ADK: variants seen among roughly 807,000 people sequenced by gnomAD.
ADK encodes adenosine kinase, also known as N6,N6-dimethyladenosine kinase.
A neutral mutation model predicts 44.7 loss-of-function variants in ADK; 24 were observed. That is an observed-to-expected ratio of 0.54 (90% CI 0.39 to 0.76). The LOEUF is 0.76. Among genes scored for constraint, ADK ranks in the 30% least tolerant of loss-of-function variants. The pLI is 0.00. For synonymous variants in ADK, 128 were observed against 142.6 expected (o/e 0.90, Z 0.73); for missense variants, 321 against 425.1 (o/e 0.76, Z 2.15).
intron 9 of ADK, among the ~76,000 whole-genome samples, chr10:74,646,350 TAGTTA>T (rs765709861): frequency 2.6e-4 from 40 of 152,312 alleles, no homozygotes; most frequent in Non-Finnish European, 5.1e-4. Context: ...GGGAAGCCAC[TAGTTA>T]GATTCAAACA....
At chr10:74,286,735 C>T (rs1288444954) in intron 3 of ADK, among the ~76,000 whole-genome samples, 3 of 152,178 alleles carry the variant, frequency 2.0e-5, no homozygotes, top group Non-Finnish European at 4.4e-5. Context: ...TAGGAAAAGG[C>T]CAGTCAACAC....
At chr10:74,619,613 G>A (rs1487327366) in intron 9 of ADK, among the ~76,000 whole-genome samples, 1 of 151,942 alleles carries the variant, frequency 6.6e-6, no homozygotes, top group Non-Finnish European at 1.5e-5. Context: ...AATAAATTCT[G>A]TGTCTGAAAA....
At chr10:74,459,636 G>A (rs1453580829) in intron 6 of ADK, among the ~76,000 whole-genome samples, 1 of 147,420 alleles carries the variant, frequency 6.8e-6, no homozygotes, top group Non-Finnish European at 1.5e-5. Flanking sequence ...GGCTGAGGCA[G>A]GAAAATCGCT....
chr10:74,354,074 G>T (rs748204041), intron 4 of ADK, among the ~76,000 whole-genome samples: 6 of 152,112 alleles, frequency 3.9e-5, no homozygotes, highest in Admixed American at 6.5e-5. Context: ...CAACAAATTG[G>T]TATACGAATT....
chr10:74,434,987 G>A (rs1414250363), intron 6 of ADK, among the ~76,000 whole-genome samples: 1 of 152,198 alleles, frequency 6.6e-6, no homozygotes, highest in Non-Finnish European at 1.5e-5. Context: ...ATGGGTCTAT[G>A]TTGGACTAGA....
chr10:74,275,418 T>C (rs1479601930), intron 3 of ADK, among the ~76,000 whole-genome samples: 1 of 152,038 alleles, frequency 6.6e-6, no homozygotes, highest in African/African-American at 2.4e-5. Flanking sequence ...GAGACCAAAA[T>C]AGATGCCCCT....
intron 3 of ADK, among the ~76,000 whole-genome samples, chr10:74,232,634 A>AT (rs1214874304): frequency 6.7e-6 from 1 of 148,596 alleles, no homozygotes. Flanking sequence ...TAAAAAAAAA[A>AT]TTTTTTTTTG....
At chr10:74,698,326 C>T (rs1351177863) in intron 10 of ADK, among the ~76,000 whole-genome samples, 2 of 152,194 alleles carry the variant, frequency 1.3e-5, no homozygotes, top group Non-Finnish European at 2.9e-5. Context: ...TGGTGTAATG[C>T]CTCCTATGCC....
At chr10:74,512,135 A>G (rs973550965) in intron 6 of ADK, among the ~76,000 whole-genome samples, 6 of 152,274 alleles carry the variant, frequency 3.9e-5, no homozygotes, top group Admixed American at 2.6e-4. Flanking sequence ...CCATCTTTGC[A>G]TTCTTGGGAT....
At chr10:74,610,219 A>G (rs1007042534) in intron 9 of ADK, among the ~76,000 whole-genome samples, 1 of 152,198 alleles carries the variant, frequency 6.6e-6, no homozygotes, top group Non-Finnish European at 1.5e-5. Context: ...ATACATACAA[A>G]GGAATATTAT....
intron 6 of ADK, among the ~76,000 whole-genome samples, chr10:74,481,978 A>G (rs1847089333): frequency 6.6e-6 from 1 of 152,196 alleles, no homozygotes; most frequent in African/African-American, 2.4e-5. Flanking sequence ...GGAGACATCT[A>G]GGGAAGATTC....
intron 3 of ADK, among the ~76,000 whole-genome samples, chr10:74,242,150 T>A (rs1845233665): frequency 6.6e-6 from 1 of 152,258 alleles, no homozygotes; most frequent in African/African-American, 2.4e-5. Flanking sequence ...TGAACTTTGC[T>A]TTAACTCTTT....
At chr10:74,516,534 T>G (rs1224786658) in intron 6 of ADK, among the ~76,000 whole-genome samples, 1 of 151,640 alleles carries the variant, frequency 6.6e-6, no homozygotes, top group African/African-American at 2.4e-5. Flanking sequence ...TTTTCTTTTT[T>G]TTTTTTTGAG....
At chr10:74,176,547 C>T (rs888860509) in intron 1 of ADK, 3 of 1,287,634 alleles carry the variant, frequency 2.3e-6, no homozygotes, top group South Asian at 1.9e-5. Flanking sequence ...GGTGACGGGA[C>T]GCTGTTACTA....
At chr10:74,473,810 A>G (rs1383007912) in intron 6 of ADK, among the ~76,000 whole-genome samples, 2 of 152,126 alleles carry the variant, frequency 1.3e-5, no homozygotes, top group African/African-American at 4.8e-5. Context: ...ATGAATCACT[A>G]AATCCACCCC....
At chr10:74,316,390 A>G (rs1271832056) in intron 4 of ADK, among the ~76,000 whole-genome samples, 2 of 152,154 alleles carry the variant, frequency 1.3e-5, no homozygotes, top group Non-Finnish European at 2.9e-5. Context: ...CTAATCTTGA[A>G]TTGTAATCTG....
intron 4 of ADK, among the ~76,000 whole-genome samples, chr10:74,357,823 A>G (rs1457181263): frequency 6.6e-6 from 1 of 152,118 alleles, no homozygotes; most frequent in Non-Finnish European, 1.5e-5. Flanking sequence ...TTTTCCCTCC[A>G]TCCTCATAAG....
chr10:74,183,684 A>G (rs955057759), intron 1 of ADK, among the ~76,000 whole-genome samples: 2 of 151,012 alleles, frequency 1.3e-5, no homozygotes, highest in Non-Finnish European at 3.0e-5. Context: ...CTGATTTTGC[A>G]TTTTTAGTAG....
chr10:74,655,819 A>G, intron 9 of ADK: 2 of 510,644 alleles, frequency 3.9e-6, no homozygotes, highest in South Asian at 3.5e-5. Context: ...GTACAGGGCA[A>G]GGACAGAGAG....
Sources: gnomAD v4.1 joint callset for allele counts (sites outside exome capture counted in the v4.1 genomes callset) on GRCh38, gnomAD v4.1.1 for gene constraint, MANE v1.5 for transcripts, NCBI Gene and HGNC (gene_info 2026-07-23, HGNC 2026-07-21) for gene names.